TMEM267: variants seen among roughly 807,000 people sequenced by gnomAD.
The protein encoded by TMEM267 is transmembrane protein 267.
TMEM267 carries 20 observed loss-of-function variants against 19.3 expected under a neutral mutation model. That is an observed-to-expected ratio of 1.04 (90% CI 0.73 to 1.51). The LOEUF is 1.51. TMEM267 is among the 40% of genes most tolerant of loss of function. The pLI, the probability that TMEM267 is intolerant of heterozygous loss-of-function variation, is 0.00. For missense variants in TMEM267, 242 were observed against 261.9 expected, an observed-to-expected ratio of 0.92 and a Z score of 0.52; for synonymous variants, 88 against 90.3, an observed-to-expected ratio of 0.97 and a Z score of 0.15.
chr5:43,476,587 A>C (rs1318016684), intron 1 of TMEM267, among the ~76,000 whole-genome samples: 1 of 146,270 alleles, frequency 6.8e-6, no homozygotes, highest in Non-Finnish European at 1.5e-5. Context: ...TTAATCTATA[A>C]ATTTAATGCA....
intron 1 of TMEM267, among the ~76,000 whole-genome samples, chr5:43,459,806 T>C (rs1472920817): frequency 1.3e-5 from 2 of 152,128 alleles, no homozygotes. Context: ...TCCCAGTCCT[T>C]TTTGGCACCA....
intron 1 of TMEM267, among the ~76,000 whole-genome samples, chr5:43,461,850 G>A (rs568577685): frequency 6.6e-6 from 1 of 152,292 alleles, no homozygotes; most frequent in Non-Finnish European, 1.5e-5. Flanking sequence ...CCCACCCAGG[G>A]CCTGGGGGAC....
At chr5:43,447,012 T>A (rs79308186) in intron 2 of TMEM267, among the ~76,000 whole-genome samples, 3,123 of 152,196 alleles carry the variant, frequency 0.021, 54 homozygotes, top group Non-Finnish European at 0.029. Context: ...ATAAACACTT[T>A]TGGAATTTAT....
intron 1 of TMEM267, among the ~76,000 whole-genome samples, chr5:43,472,915 G>A (rs1040858771): frequency 2.6e-5 from 4 of 151,832 alleles, no homozygotes; most frequent in South Asian, 2.1e-4. Flanking sequence ...CGAAGTGGGC[G>A]GATCACAAGG....
intron 2 of TMEM267, among the ~76,000 whole-genome samples, chr5:43,447,062 T>C (rs1465587088): frequency 6.6e-6 from 1 of 152,066 alleles, no homozygotes; most frequent in African/African-American, 2.4e-5. Context: ...TAAATACGTA[T>C]TCTAAAATTG....
chr5:43,450,143 C>T (rs1169052712), intron 2 of TMEM267, among the ~76,000 whole-genome samples: 2 of 152,040 alleles, frequency 1.3e-5, no homozygotes, highest in African/African-American at 2.4e-5. Context: ...TATAGGCATA[C>T]ACCACCATGC....
chr5:43,468,083 G>C (rs1194016707), intron 1 of TMEM267, among the ~76,000 whole-genome samples: 1 of 151,878 alleles, frequency 6.6e-6, no homozygotes, highest in Non-Finnish European at 1.5e-5. Context: ...CCCTGAGGAA[G>C]GGGCTTGATT....
At position 43,444,957 on chromosome 5, in the gene TMEM267, A is replaced by T. The variant is rs1261312638; in HGVS notation, c.*1265T>A. The T allele has an allele frequency of 2.0e-5, 3 of 152,286 alleles. No homozygotes were observed. The highest frequency in any genetic ancestry group is 3.4e-3 in the Middle Eastern group (1 of 294). The allele number at this position is 152,286 out of a possible 1,614,324, so 9.4% of individuals were successfully genotyped here. A position where few individuals can be genotyped will look rare whatever the true frequency, so the allele number is the denominator to read the frequency against. On this transcript the variant is annotated 3_prime_UTR_variant, in exon 3 of 3. Transcript: ENST00000397080. ...TTCTGTTTAACTTAATATACAAGAA[A>T]ATCTGCTGTGGATAAGGCATTGCTT...
In TMEM267 at chr5:43,450,053, G is replaced by A. The variant is rs4866829; in HGVS notation, c.313-3496C>T. On this transcript the variant is annotated intron_variant, in intron 2 of 2. Coordinates refer to ENST00000397080, the MANE Select transcript of TMEM267 (RefSeq NM_022483.5). ...CTCAAAGCCCAGGCTGGAGTATAGTGGCACAATCTTAGCTCACTGTAACCT... is the reference window on the plus strand; with the variant it reads ...CTCAAAGCCCAGGCTGGAGTATAGTAGCACAATCTTAGCTCACTGTAACCT... Among the ~76,000 whole-genome samples the A allele has an allele frequency of 7.0e-3, 1,054 of 150,248 alleles. 53 individuals are homozygous for A. Among genetic ancestry groups the A allele is most frequent in the Admixed American group, 0.059 (890 of 15,076 alleles).
intron 1 of TMEM267, among the ~76,000 whole-genome samples, chr5:43,472,825 T>C (rs1055934235): frequency 6.9e-5 from 2 of 28,844 alleles, no homozygotes; most frequent in African/African-American, 1.4e-4. Flanking sequence ...CAGGGGGAGG[T>C]GGGGATGGTT....
chr5:43,483,069 A>C (rs1256937937), intron 1 of TMEM267, among the ~76,000 whole-genome samples: 1 of 152,240 alleles, frequency 6.6e-6, no homozygotes, highest in Non-Finnish European at 1.5e-5. Flanking sequence ...TTCTTCACTG[A>C]ACTGTAGTTG....
At chr5:43,470,092 T>C (rs1429040484) in intron 1 of TMEM267, among the ~76,000 whole-genome samples, 1 of 152,222 alleles carries the variant, frequency 6.6e-6, no homozygotes, top group Non-Finnish European at 1.5e-5. Flanking sequence ...CCTGGAAGTC[T>C]TCCCTTTGAG....
Position 43,453,660 on chromosome 5 carries a change from T to G in TMEM267, c.310A>C (p.Lys104Gln), listed in dbSNP as rs1460770624. Residue 104 changes from lysine (K) to glutamine (Q), a missense_variant and splice_region_variant, in exon 2 of 3, where the codon AAG (lysine) becomes CAG (glutamine). Transcript: ENST00000397080. ...HFFLAGSMSL[K>Q]AALTLPRRPF... ...AAAATTAAGCCTATGCTTTTTACCT[T>G]TAAAGACATGGATCCAGCTAGAAAA... 6.2e-7 allele frequency: 1 copy of G among 1,612,696 alleles called. No homozygotes were observed. Among genetic ancestry groups the G allele is most frequent in the East Asian group, 2.2e-5 (1 of 44,850 alleles).
intron 1 of TMEM267, among the ~76,000 whole-genome samples, chr5:43,473,046 G>C (rs753252220): frequency 6.7e-6 from 1 of 148,692 alleles, no homozygotes; most frequent in Non-Finnish European, 1.5e-5. Context: ...GCTGAGGCAG[G>C]AGAATCACTC....
At chr5:43,468,129 G>A (rs562171325) in intron 1 of TMEM267, among the ~76,000 whole-genome samples, 3 of 151,928 alleles carry the variant, frequency 2.0e-5, no homozygotes, top group Non-Finnish European at 2.9e-5. Context: ...GGGAGTGGGG[G>A]GGCGGGTGTC....
In TMEM267 at chr5:43,453,894, GA is replaced by G; in HGVS notation, c.75del (p.Leu26TrpfsTer7). 1 of 1,614,068 alleles carries G rather than the reference GA, an allele frequency of 6.2e-7. No individual in the cohort carries two copies. ...TCAGCTACGAGGCAAAATGCCCCCA[GA>G]CCAAGGCTGGAAATAAGAGATTCAG... ...CSTESLISSLGLGAFCLVADR... is the reference protein window; with the variant it reads ...CSTESLISSLXLGAFCLVADR... On this transcript the variant is annotated frameshift_variant, in exon 2 of 3. Coordinates refer to ENST00000397080, the MANE Select transcript of TMEM267 (RefSeq NM_022483.5). LOFTEE classifies it high-confidence loss of function.
Position 43,446,292 on chromosome 5 carries a change from G to C in TMEM267, c.578C>G (p.Ser193Ter), listed in dbSNP as rs751146213. Residue 193 changes from serine to a stop codon, truncating the protein, a stop_gained, in exon 3 of 3, where the codon TCA becomes TGA. Transcript: ENST00000397080. LOFTEE classifies it high-confidence loss of function. ...GGTTCCTGTTAAATACATAACGAAT[G>C]AACAGATGTGAGGTAAAGATGATGT... ...IITSSLPHICSFVMYLTGTRQ... is the reference protein window; with the variant it reads ...IITSSLPHIC The C allele has an allele frequency of 9.3e-5, 150 of 1,613,550 alleles. No homozygotes were observed. Among genetic ancestry groups the C allele is most frequent in the Non-Finnish European group, 1.0e-4 (120 of 1,179,652 alleles).
intron 1 of TMEM267, among the ~76,000 whole-genome samples, chr5:43,461,473 C>G (rs916189601): frequency 2.0e-5 from 3 of 152,110 alleles, no homozygotes; most frequent in Non-Finnish European, 4.4e-5. Flanking sequence ...GATAGAGCAC[C>G]AAGTGAGCTC....
rs185215234 is a variant in TMEM267, at chr5:43,456,618, T to C, written c.-74-2575A>G. On this transcript the variant is annotated intron_variant, in intron 1 of 2. Coordinates refer to ENST00000397080, the MANE Select transcript of TMEM267 (RefSeq NM_022483.5). ...AAGATGTGAAAATGGGTACCTACCA[T>C]TGATGATATTCAGATAGCCAATAAG... Among the ~76,000 whole-genome samples the C allele has an allele frequency of 9.8e-4, 149 of 152,310 alleles. 1 individual carries two copies. The highest frequency in any genetic ancestry group is 1.7e-3 in the Non-Finnish European group (119 of 68,030).
Sources: gnomAD v4.1 joint callset for allele counts (sites outside exome capture counted in the v4.1 genomes callset) on GRCh38, gnomAD v4.1.1 for gene constraint, MANE v1.5 for transcripts, NCBI Gene and HGNC (gene_info 2026-07-23, HGNC 2026-07-21) for gene names.